TUT4: variants seen among roughly 807,000 people sequenced by gnomAD.
TUT4 encodes terminal uridylyl transferase 4.
A neutral mutation model predicts 192.2 loss-of-function variants in TUT4; 36 were observed. The ratio of observed to expected loss-of-function variants is 0.19; its 90% CI spans 0.14 to 0.25. TUT4 has a LOEUF of 0.25. Among genes scored for constraint, TUT4 ranks in the 10% least tolerant of loss-of-function variants. TUT4 has a pLI of 1.00. For missense variants in TUT4, 1,493 were observed against 1,957.2 expected (o/e 0.76, Z 4.47); for synonymous variants, 618 against 666.0 (o/e 0.93, Z 1.11).
chr1:52,543,723 A>C lies in TUT4; in HGVS notation c.-94+9208T>G, dbSNP rs756267654. Among the ~76,000 whole-genome samples, 141 of 151,988 alleles carry C rather than the reference A, an allele frequency of 9.3e-4. 1 individual carries two copies. Among genetic ancestry groups the C allele is most frequent in the Non-Finnish European group, 1.7e-3 (117 of 67,952 alleles). On this transcript the variant is annotated intron_variant, in intron 1 of 29. Transcript: ENST00000257177. ...GGTCTTGAACTCCTGACCTCAGGTA[A>C]TCCACCAGCCTCGGCCTCCTAAAGT...
chr1:52,456,175 G>A lies in TUT4; in HGVS notation c.3435+2161C>T, dbSNP rs1333538847. ...TCCCAGCACTTTGGGAGGCCGGGGC[G>A]GGTGGATCACCTGAGGTCAGACATT... is the stretch of plus-strand genomic sequence containing the variant. On this transcript the variant is annotated intron_variant, in intron 20 of 29. Transcript: ENST00000257177. Among the ~76,000 whole-genome samples, 11 of 151,992 alleles carry A rather than the reference G, an allele frequency of 7.2e-5. No homozygotes were observed. In the East Asian group the frequency reaches 7.7e-4, roughly 11 times the overall value.
chr1:52,484,750 A>C (rs931637371), intron 9 of TUT4, among the ~76,000 whole-genome samples: 34 of 152,030 alleles, frequency 2.2e-4, no homozygotes, highest in African/African-American at 7.0e-4. Flanking sequence ...CCAATAGCAT[A>C]CTCTTGATTA....
At chr1:52,500,833 G>C (rs984967605) in intron 4 of TUT4, among the ~76,000 whole-genome samples, 6 of 152,150 alleles carry the variant, frequency 3.9e-5, no homozygotes, top group African/African-American at 1.4e-4. Context: ...CTACTTGGAA[G>C]GCTGAGGCAG....
intron 1 of TUT4, among the ~76,000 whole-genome samples, chr1:52,536,214 T>C (rs1412383945): frequency 2.0e-5 from 3 of 152,130 alleles, no homozygotes; most frequent in Non-Finnish European, 4.4e-5. Context: ...TATATAAAGA[T>C]GTAATCTGTG....
chr1:52,524,676 C>T (rs1164971801), intron 2 of TUT4, among the ~76,000 whole-genome samples: 3 of 151,994 alleles, frequency 2.0e-5, no homozygotes, highest in Non-Finnish European at 4.4e-5. Context: ...TATGGTGGCA[C>T]GTGCCTATAG....
At chr1:52,513,393 CAAAAAAAAAA>C (rs554170439) in intron 3 of TUT4, among the ~76,000 whole-genome samples, 4 of 42,116 alleles carry the variant, frequency 9.5e-5, no homozygotes, top group African/African-American at 5.2e-4. Context: ...GACCCTGTCT[CAAAAAAAAAA>C]AAAAAAAAAA....
In TUT4 at chr1:52,539,508, T is replaced by TG. The variant is rs1041937189; in HGVS notation, c.-93-13136dup. On this transcript the variant is annotated intron_variant, in intron 1 of 29. Transcript: ENST00000257177. ...TTTCCTGGCTTTGAGGAAACAGGTA[T>TG]GGGGGGGAAAGCAATGTTCAAGACA... 5.9e-5 allele frequency among the ~76,000 whole-genome samples: 9 copies of TG among 152,030 alleles called. No individual in the cohort carries two copies. The East Asian group carries it at 1.2e-3, about 20-fold the overall frequency.
At position 52,474,836 on chromosome 1, in the gene TUT4, C is replaced by A; in HGVS notation, c.2723G>T (p.Gly908Val). Reference sequence around the variant, plus strand: ...CATTTACAAACTGTATCCTACCTTGCCAGAGGTTAAAATAAACTTATCAAA... The same window carrying A: ...CATTTACAAACTGTATCCTACCTTGACAGAGGTTAAAATAAACTTATCAAA... ...YVFDKFILTSGKPPTIVCSIC... is the reference protein window; with the variant it reads ...YVFDKFILTSVKPPTIVCSIC... The change falls in exon 13 of 30, where the codon GGC becomes GTC. Residue 908 changes from glycine (G) to valine (V), a missense_variant. Gly to Val is a moderately radical substitution (Grantham distance 109, BLOSUM62 -3). Coordinates refer to ENST00000257177, the MANE Select transcript of TUT4 (RefSeq NM_001009881.3). The A allele has an allele frequency of 1.3e-6, 2 of 1,593,642 alleles. No homozygotes were observed. Among genetic ancestry groups the A allele is most frequent in the East Asian group, 2.2e-5 (1 of 44,636 alleles).
At chr1:52,427,374 CA>C (rs144140917) in intron 28 of TUT4, among the ~76,000 whole-genome samples, 1,851 of 152,018 alleles carry the variant, frequency 0.012, 32 homozygotes, top group African/African-American at 0.042. Context: ...GATAAGCAAC[CA>C]GGGGTAAGAG....
intron 19 of TUT4, among the ~76,000 whole-genome samples, chr1:52,460,248 G>A (rs955699140): frequency 5.9e-5 from 9 of 152,212 alleles, no homozygotes; most frequent in Admixed American, 1.3e-4. Context: ...TTGGGAGGCC[G>A]AGGCTGGAGG....
intron 4 of TUT4, among the ~76,000 whole-genome samples, chr1:52,506,565 C>T (rs1675630767): frequency 6.6e-6 from 1 of 152,080 alleles, no homozygotes; most frequent in Non-Finnish European, 1.5e-5. Flanking sequence ...GTTCACTAAC[C>T]TTTTCTTTTG....
intron 1 of TUT4, among the ~76,000 whole-genome samples, chr1:52,541,716 A>C (rs1276972157): frequency 1.3e-5 from 2 of 152,228 alleles, no homozygotes; most frequent in African/African-American, 4.8e-5. Context: ...AAGAAAACTA[A>C]AGAAAAGAGA....
chr1:52,424,995 C>T (rs1649356049), intron 29 of TUT4: 1 of 169,276 alleles, frequency 5.9e-6, no homozygotes, highest in African/African-American at 2.4e-5. Context: ...CCTCTCTCAT[C>T]TCTAGGCAAA....
intron 1 of TUT4, among the ~76,000 whole-genome samples, chr1:52,526,950 G>A (rs1681943728): frequency 6.6e-6 from 1 of 152,154 alleles, no homozygotes; most frequent in South Asian, 2.1e-4. Flanking sequence ...CTTGAACCCG[G>A]GAGGCAGAGG....
rs377074008 is a variant in TUT4 at position 52,504,382 on chromosome 1, C to T, written c.999+5214G>A. On this transcript the variant is annotated intron_variant, in intron 4 of 29. Coordinates refer to ENST00000257177, the MANE Select transcript of TUT4 (RefSeq NM_001009881.3). Reference sequence around the variant, plus strand: ...TGCACTGTTTCACACCTGTAATCCCCGCACTTTGGGAGGCTGACGCGGGTG... The same window carrying T: ...TGCACTGTTTCACACCTGTAATCCCTGCACTTTGGGAGGCTGACGCGGGTG... Among the ~76,000 whole-genome samples the T allele has an allele frequency of 5.9e-5, 9 of 152,056 alleles. No individual in the cohort carries two copies. In the East Asian group the frequency reaches 1.2e-3, roughly 20 times the overall value.
chr1:52,552,338 C>T (rs1689659245), intron 1 of TUT4, among the ~76,000 whole-genome samples: 1 of 152,168 alleles, frequency 6.6e-6, no homozygotes, highest in Non-Finnish European at 1.5e-5. Context: ...CACGTCAAAA[C>T]CGCGCATTAC....
chr1:52,463,433 G>A, intron 16 of TUT4: 1 of 1,024,742 alleles, frequency 9.8e-7, no homozygotes, highest in African/African-American at 1.7e-5. Flanking sequence ...ATGGCCAGAA[G>A]TTAAGTCATC....
At chr1:52,439,934 G>C in intron 24 of TUT4, among the ~76,000 whole-genome samples, 1 of 152,158 alleles carries the variant, frequency 6.6e-6, no homozygotes, top group Non-Finnish European at 1.5e-5. Context: ...ATATTTTTCA[G>C]CCATAAAAGG....
At chr1:52,482,966 T>C (rs971049283) in intron 9 of TUT4, among the ~76,000 whole-genome samples, 1 of 152,210 alleles carries the variant, frequency 6.6e-6, no homozygotes, top group African/African-American at 2.4e-5. Context: ...TCTTAAAATA[T>C]ATTGTTAAGA....
Sources: gnomAD v4.1 joint callset for allele counts (sites outside exome capture counted in the v4.1 genomes callset) on GRCh38, gnomAD v4.1.1 for gene constraint, MANE v1.5 for transcripts, NCBI Gene and HGNC (gene_info 2026-07-23, HGNC 2026-07-21) for gene names.